Variants in PITPNM2 observed in about 807,000 individuals in gnomAD.
PITPNM2 encodes membrane-associated phosphatidylinositol transfer protein 2.
A neutral mutation model predicts 132.2 loss-of-function variants in PITPNM2; 35 were observed. The ratio of observed to expected loss-of-function variants is 0.26; its 90% CI spans 0.20 to 0.35. The LOEUF (loss-of-function observed/expected upper bound fraction) is 0.35. Ranked by LOEUF, PITPNM2 falls within the 10% of genes least tolerant of loss-of-function variation. PITPNM2 has a pLI of 1.00. For synonymous variants in PITPNM2, 738 were observed against 799.2 expected, an observed-to-expected ratio of 0.92 and a Z score of 1.29; for missense variants, 1,332 against 1,912.0, an observed-to-expected ratio of 0.70 and a Z score of 5.66.
intron 5 of PITPNM2, 100 bp downstream of exon 5, chr12:123,012,513 C>A (rs918068769): frequency 3.4e-6 from 5 of 1,467,874 alleles, no homozygotes; most frequent in South Asian, 1.2e-5. Context: ...AGGGCCAGGT[C>A]TGGAGTCTAC....
At chr12:123,100,720 G>A (rs753525459) in intron 2 of PITPNM2, among the ~76,000 whole-genome samples, 1 of 151,946 alleles carries the variant, frequency 6.6e-6, no homozygotes, top group Non-Finnish European at 1.5e-5. Context: ...AGACACAGAC[G>A]CAAAAGACCA....
intron 3 of PITPNM2, among the ~76,000 whole-genome samples, chr12:123,021,009 A>C (rs987639014): frequency 1.4e-5 from 2 of 148,142 alleles, no homozygotes; most frequent in Non-Finnish European, 3.0e-5. Flanking sequence ...AGCCTAGGCG[A>C]CAAGAGCGAA....
chr12:122,997,579 G>A lies in PITPNM2; in HGVS notation c.1225-7C>T, dbSNP rs2038485220. ...GCGGCTGGCTAACCTCGTCCTGCAT[G>A]GGTTGGGGGACAGTGTCAGCTCCCC... On this transcript the variant is annotated splice_polypyrimidine_tract_variant and splice_region_variant and intron_variant, in intron 10 of 25. Transcript: ENST00000320201. The A allele has an allele frequency of 1.2e-6, 2 of 1,606,926 alleles. No homozygotes were observed. The highest frequency in any genetic ancestry group is 1.1e-5 in the South Asian group (1 of 90,974).
intron 1 of PITPNM2, among the ~76,000 whole-genome samples, chr12:123,128,412 G>A (rs1420331434): frequency 7.1e-6 from 1 of 140,892 alleles, no homozygotes; most frequent in East Asian, 2.1e-4. Context: ...CTGCACTCCA[G>A]CCTGGGTGAC....
intron 1 of PITPNM2, among the ~76,000 whole-genome samples, chr12:123,128,204 G>A (rs1358118716): frequency 7.3e-6 from 1 of 137,622 alleles, no homozygotes; most frequent in South Asian, 2.3e-4. Context: ...GGCCGAGGGG[G>A]ATCACTTAAG....
intron 1 of PITPNM2, among the ~76,000 whole-genome samples, chr12:123,125,942 T>G (rs1228466417): frequency 8.5e-6 from 1 of 117,064 alleles, no homozygotes; most frequent in East Asian, 3.1e-4. Flanking sequence ...TGATCTCGGC[T>G]CACTGCAAGC....
At position 123,026,966 on chromosome 12, in the gene PITPNM2, C is replaced by G. The variant is rs1446831130; in HGVS notation, c.78+7547G>C. On this transcript the variant is annotated intron_variant, in intron 3 of 25. Coordinates refer to ENST00000320201, the MANE Select transcript of PITPNM2 (RefSeq NM_020845.3). The stretch of plus-strand genomic sequence containing the variant: ...TTAACAAATTACACCTTCAGAGGCC[C>G]TATTTCAAAATAAGGCCACATTCTG... 7.2e-5 allele frequency among the ~76,000 whole-genome samples: 11 copies of G among 152,338 alleles called. No individual in the cohort carries two copies. In the South Asian group the frequency reaches 1.5e-3, roughly 20 times the overall value.
At chr12:123,042,609 C>T (rs1263318013) in intron 2 of PITPNM2, among the ~76,000 whole-genome samples, 3 of 152,128 alleles carry the variant, frequency 2.0e-5, no homozygotes, top group Non-Finnish European at 2.9e-5. Flanking sequence ...AGGGAGCCAC[C>T]GGCAGGTCTG....
chr12:122,989,515 G>C (rs553647993), intron 18 of PITPNM2, among the ~76,000 whole-genome samples: 1 of 152,278 alleles, frequency 6.6e-6, no homozygotes, highest in South Asian at 2.1e-4. Context: ...CTGGTTTACA[G>C]GTCCAGGCTT....
intron 1 of PITPNM2, among the ~76,000 whole-genome samples, chr12:123,130,928 A>G (rs2043248955): frequency 6.6e-6 from 1 of 151,984 alleles, no homozygotes; most frequent in African/African-American, 2.4e-5. Flanking sequence ...GAAATAGGAG[A>G]GGCTTGGACA....
intron 1 of PITPNM2, among the ~76,000 whole-genome samples, chr12:123,127,367 GT>G (rs776306418): frequency 1.2e-3 from 183 of 152,318 alleles, no homozygotes; most frequent in Admixed American, 1.8e-3. Context: ...TCACTGGCGT[GT>G]TGATGCCCAA....
intron 1 of PITPNM2, among the ~76,000 whole-genome samples, chr12:123,143,992 T>A (rs60960090): frequency 1.3e-4 from 20 of 152,366 alleles, no homozygotes; most frequent in African/African-American, 4.6e-4. Context: ...ATCCATGGAT[T>A]CCATATTTGT....
At chr12:123,052,075 TTG>T (rs1491240502) in intron 2 of PITPNM2, among the ~76,000 whole-genome samples, 8 of 143,940 alleles carry the variant, frequency 5.6e-5, no homozygotes, top group African/African-American at 2.1e-4. Context: ...GTTAATTTTA[TTG>T]TTTTTTTTTT....
rs568991314 is a variant in PITPNM2, at chr12:123,048,704, G to C, written c.-95-14019C>G. 4.6e-5 allele frequency among the ~76,000 whole-genome samples: 7 copies of C among 152,272 alleles called. No individual in the cohort carries two copies. The East Asian group carries it at 1.4e-3, about 29-fold the overall frequency. On this transcript the variant is annotated intron_variant, in intron 2 of 25. Coordinates refer to ENST00000320201, the MANE Select transcript of PITPNM2 (RefSeq NM_020845.3). ...TGGGATTACAGGCGTGAGCCACCGC[G>C]CCCGGCTGGGTAGTTAGTGTTTAAT...
intron 2 of PITPNM2, among the ~76,000 whole-genome samples, chr12:123,060,643 A>G (rs2041203267): frequency 6.6e-6 from 1 of 152,226 alleles, no homozygotes; most frequent in Non-Finnish European, 1.5e-5. Context: ...CTGCACTCCT[A>G]TTGGAAAGGG....
intron 2 of PITPNM2, among the ~76,000 whole-genome samples, chr12:123,093,946 C>A (rs1247294841): frequency 6.6e-6 from 1 of 152,270 alleles, no homozygotes; most frequent in Admixed American, 6.5e-5. Flanking sequence ...GGATCAGCCC[C>A]CTCATCTCAG....
At chr12:123,003,904 C>T (rs773554386) in intron 8 of PITPNM2, among the ~76,000 whole-genome samples, 3 of 152,260 alleles carry the variant, frequency 2.0e-5, no homozygotes, top group African/African-American at 4.8e-5. Context: ...TATGGTCATG[C>T]GCTTATTTTG....
chr12:123,133,996 T>C (rs2043322677), intron 1 of PITPNM2, among the ~76,000 whole-genome samples: 2 of 152,008 alleles, frequency 1.3e-5, no homozygotes, highest in Non-Finnish European at 2.9e-5. Flanking sequence ...CTCATTACTC[T>C]GAAAAACATA....
chr12:122,996,779 G>T lies in PITPNM2; in HGVS notation c.1604C>A (p.Ala535Asp). 6.2e-7 allele frequency: 1 copy of T among 1,611,184 alleles called. No individual in the cohort carries two copies. The highest frequency in any genetic ancestry group is 8.5e-7 in the Non-Finnish European group (1 of 1,179,312). ...QEAVATVIQR[A>D]NLAYGDFIKS... Reference sequence around the variant, plus strand: ...GATGAAGTCCCCATAGGCAAGGTTGGCTCGCTGAATCACTGTGGCAACTGC... The same window carrying T: ...GATGAAGTCCCCATAGGCAAGGTTGTCTCGCTGAATCACTGTGGCAACTGC... The change falls in exon 12 of 26, where the codon GCC (alanine) becomes GAC (aspartate). Residue 535 changes from alanine to aspartate, a missense_variant. Physicochemically the swap from Ala to Asp is moderately radical, Grantham distance 126 (BLOSUM62 -2). Transcript: ENST00000320201.
Sources: gnomAD v4.1 joint callset for allele counts (sites outside exome capture counted in the v4.1 genomes callset) on GRCh38, gnomAD v4.1.1 for gene constraint, MANE v1.5 for transcripts, NCBI Gene and HGNC (gene_info 2026-07-23, HGNC 2026-07-21) for gene names.